SMAGP: variants seen among roughly 807,000 people sequenced by gnomAD.
SMAGP encodes the protein small cell adhesion glycoprotein.
In SMAGP, 7 loss-of-function variants were observed where a neutral mutation model predicts 10.1. The observed-to-expected ratio is 0.70, with a 90% CI of 0.40 to 1.31. The LOEUF is 1.31. Ranked by LOEUF, SMAGP falls within the 50% of genes most tolerant of loss-of-function variation. SMAGP has a pLI of 0.01. For missense variants in SMAGP, 113 were observed against 116.5 expected (o/e 0.97, Z 0.14); for synonymous variants, 49 against 47.2 (o/e 1.04, Z -0.16).
chr12:51,263,708 C>A (rs570223376), intron 2 of SMAGP, among the ~76,000 whole-genome samples: 50 of 152,326 alleles, frequency 3.3e-4, no homozygotes, highest in African/African-American at 1.2e-3. Context: ...TTACCTGGCA[C>A]GGTGGGCAAA....
intron 2 of SMAGP, among the ~76,000 whole-genome samples, chr12:51,250,482 GGTTGTTGTT>G (rs999827896): frequency 6.7e-6 from 1 of 149,842 alleles, no homozygotes; most frequent in Non-Finnish European, 1.5e-5. Flanking sequence ...CTCTGAACCT[GGTTGTTGTT>G]GTTGTTGTGT....
At chr12:51,261,844 G>A (rs1944935237) in intron 2 of SMAGP, among the ~76,000 whole-genome samples, 1 of 151,422 alleles carries the variant, frequency 6.6e-6, no homozygotes, top group Admixed American at 6.6e-5. Flanking sequence ...ACGAATATGA[G>A]ATCTACAATA....
intron 2 of SMAGP, among the ~76,000 whole-genome samples, chr12:51,267,137 T>A (rs1331509440): frequency 2.0e-5 from 3 of 151,994 alleles, no homozygotes; most frequent in South Asian, 2.1e-4. Flanking sequence ...TAATAAAATT[T>A]AAAAAATGTA....
chr12:51,266,554 ACT>A (rs1249361831), intron 2 of SMAGP, among the ~76,000 whole-genome samples: 2 of 151,088 alleles, frequency 1.3e-5, no homozygotes, highest in Non-Finnish European at 2.9e-5. Context: ...TTTTCACATA[ACT>A]CTTATTACAG....
intron 2 of SMAGP, among the ~76,000 whole-genome samples, chr12:51,256,449 C>T (rs541745692): frequency 2.0e-5 from 3 of 152,168 alleles, no homozygotes; most frequent in South Asian, 2.1e-4. Flanking sequence ...AAGCCGGGCG[C>T]GGTGGCTCAC....
chr12:51,260,505 T>C (rs921003572), intron 2 of SMAGP, among the ~76,000 whole-genome samples: 2 of 151,104 alleles, frequency 1.3e-5, no homozygotes, highest in Non-Finnish European at 2.9e-5. Flanking sequence ...GCCTCCTGAG[T>C]AGTTGGGACT....
chr12:51,269,295 G>C lies in SMAGP; in HGVS notation c.-17C>G, dbSNP rs1375386371. On this transcript the variant is annotated 5_prime_UTR_variant, in exon 2 of 4. Coordinates refer to ENST00000603798, the MANE Select transcript of SMAGP (RefSeq NM_001031628.2). ...GCTGGTCATTGTCACTAGTGGTTGA[G>C]TTTCTTGGAGAAGAGGCAGATCTGT... 6.2e-7 allele frequency: 1 copy of C among 1,613,892 alleles called. No homozygotes were observed. The highest frequency in any genetic ancestry group is 8.5e-7 in the Non-Finnish European group (1 of 1,179,806).
rs1384932427 is a variant in SMAGP at position 51,246,634 on chromosome 12, G to GTGTGTGTA, written c.115+116_115+117insTACACACA. 3 of 622,202 alleles carry GTGTGTGTA rather than the reference G, an allele frequency of 4.8e-6. No individual in the cohort carries two copies. In the African/African-American group the frequency reaches 5.7e-5, roughly 12 times the overall value. 38.5% of individuals were successfully genotyped at this position (622,202 alleles called of 1,614,324 possible). ...TGTGTGTGTGTGTGTGTGTGTGTGTGTGTGTAATATAACTTACAAGCCAGA... is the reference window on the plus strand; with the variant it reads ...TGTGTGTGTGTGTGTGTGTGTGTGTGTGTGTGTATGTGTAATATAACTTACAAGCCAGA... On this transcript the variant is annotated intron_variant, in intron 3 of 3. Coordinates refer to ENST00000603798, the MANE Select transcript of SMAGP (RefSeq NM_001031628.2).
chr12:51,253,499 A>C (rs907865910), intron 2 of SMAGP: 1 of 152,198 alleles, frequency 6.6e-6, no homozygotes, highest in African/African-American at 2.4e-5. Context: ...ATTATGCAAT[A>C]GCTAAATAAA....
intron 2 of SMAGP, among the ~76,000 whole-genome samples, chr12:51,257,593 G>A (rs1302231966): frequency 6.6e-6 from 1 of 151,788 alleles, no homozygotes; most frequent in Non-Finnish European, 1.5e-5. Context: ...CACCCAGGCT[G>A]GAGTGCAGTG....
At chr12:51,269,426 C>T (rs1945006373) in intron 1 of SMAGP, 110 bp from the exon 2 acceptor site, 1 of 787,180 alleles carries the variant, frequency 1.3e-6, no homozygotes, top group African/African-American at 1.7e-5. Flanking sequence ...GTCCCTTCCC[C>T]TTTTTCTCTT....
chr12:51,256,689 C>T (rs1436246206), intron 2 of SMAGP, among the ~76,000 whole-genome samples: 5 of 151,626 alleles, frequency 3.3e-5, no homozygotes, highest in Non-Finnish European at 5.9e-5. Flanking sequence ...CATTGCACTC[C>T]AGCCTGGGCA....
At chr12:51,260,262 C>A (rs1337477190) in intron 2 of SMAGP, among the ~76,000 whole-genome samples, 1 of 142,558 alleles carries the variant, frequency 7.0e-6, no homozygotes, top group East Asian at 2.1e-4. Context: ...CAGATCTTGG[C>A]TCGCTGCAAC....
chr12:51,267,338 GA>G (rs1944983288), intron 2 of SMAGP, among the ~76,000 whole-genome samples: 1 of 151,692 alleles, frequency 6.6e-6, no homozygotes, highest in Admixed American at 6.6e-5. Flanking sequence ...AGGTACACAC[GA>G]AAAAGGTATT....
At chr12:51,259,650 AG>A (rs1944915475) in intron 2 of SMAGP, among the ~76,000 whole-genome samples, 2 of 152,312 alleles carry the variant, frequency 1.3e-5, no homozygotes, top group Admixed American at 1.3e-4. Context: ...TGACACTGGA[AG>A]GATATACTCC....
In SMAGP at chr12:51,246,046, T is replaced by G; in HGVS notation, c.189A>C (p.Lys63Asn). 1 of 1,613,956 alleles carries G rather than the reference T, an allele frequency of 6.2e-7. No individual in the cohort carries two copies. Among genetic ancestry groups the G allele is most frequent in the Non-Finnish European group, 8.5e-7 (1 of 1,179,870 alleles). ...ILIFFYLYKNKGSYVTYEPTE... is the reference protein window; with the variant it reads ...ILIFFYLYKNNGSYVTYEPTE... ...TAGGTTCATAGGTGACGTAGCTGCC[T>G]TTGTTCTTGTACAGGTAAAAGAAGA... The change falls in exon 4 of 4, where the codon AAA (lysine) becomes AAC (asparagine). Residue 63 changes from lysine (K) to asparagine (N), a missense_variant. Physicochemically the swap from Lys to Asn is moderately conservative, Grantham distance 94. Coordinates refer to ENST00000603798, the MANE Select transcript of SMAGP (RefSeq NM_001031628.2).
chr12:51,252,539 G>A (rs574530770), intron 2 of SMAGP, among the ~76,000 whole-genome samples: 1 of 151,800 alleles, frequency 6.6e-6, no homozygotes, highest in South Asian at 2.1e-4. Context: ...TTACAGGCAT[G>A]TGCCACCACA....
Position 51,245,902 on chromosome 12 carries a change from G to A in SMAGP, c.*39C>T, listed in dbSNP as rs200173363. ...CATAATAAGCAGTCAACGTGTTAGCGATGGAGCCAGGAATAAGCTCCTTGG... is the reference window on the plus strand; with the variant it reads ...CATAATAAGCAGTCAACGTGTTAGCAATGGAGCCAGGAATAAGCTCCTTGG... On this transcript the variant is annotated 3_prime_UTR_variant, in exon 4 of 4. Coordinates refer to ENST00000603798, the MANE Select transcript of SMAGP (RefSeq NM_001031628.2). The A allele has an allele frequency of 1.2e-4, 197 of 1,587,314 alleles. No individual in the cohort carries two copies. Among genetic ancestry groups the A allele is most frequent in the Admixed American group, 4.2e-4 (24 of 57,414 alleles).
chr12:51,247,161 T>C (rs1299008361), intron 2 of SMAGP, among the ~76,000 whole-genome samples: 1 of 152,142 alleles, frequency 6.6e-6, no homozygotes, highest in East Asian at 1.9e-4. Flanking sequence ...ATCTGCAAAA[T>C]GGAGGTAAGA....
Sources: gnomAD v4.1 joint callset for allele counts (sites outside exome capture counted in the v4.1 genomes callset) on GRCh38, gnomAD v4.1.1 for gene constraint, MANE v1.5 for transcripts, NCBI Gene and HGNC (gene_info 2026-07-23, HGNC 2026-07-21) for gene names.